The following SLC27A5 variants were observed in gnomAD, a reference collection of about 807,000 sequenced individuals.
SLC27A5 encodes the protein long-chain fatty acid transport protein 5.
A neutral mutation model predicts 63.1 loss-of-function variants in SLC27A5; 47 were observed. The ratio of observed to expected loss-of-function variants is 0.74; its 90% CI spans 0.59 to 0.95. The LOEUF is 0.95. Ranked by LOEUF, SLC27A5 falls within the 40% of genes least tolerant of loss-of-function variation. The pLI is 0.00. For synonymous variants in SLC27A5, 391 were observed against 403.8 expected (o/e 0.97, Z 0.38); for missense variants, 940 against 921.0 (o/e 1.02, Z -0.27).
At chr19:58,499,325 C>G in intron 7 of SLC27A5, 105 bp from the exon 8 acceptor site, 1 of 1,365,310 alleles carries the variant, frequency 7.3e-7, no homozygotes, top group South Asian at 1.3e-5. Flanking sequence ...CCAGTCAGCC[C>G]CGCCCCCTCG....
intron 3 of SLC27A5, chr19:58,507,660 G>A (rs1302503300): frequency 6.6e-6 from 1 of 152,174 alleles, no homozygotes; most frequent in African/African-American, 2.4e-5. Flanking sequence ...TTCTTGCAGA[G>A]AGCCTATAAG....
chr19:58,502,785 TAGTG>T (rs2053293800), intron 3 of SLC27A5, among the ~76,000 whole-genome samples: 1 of 134,800 alleles, frequency 7.4e-6, no homozygotes, highest in Non-Finnish European at 1.6e-5. Context: ...ACAGTTAGAG[TAGTG>T]AGTGAGTAGA....
At chr19:58,501,928 C>T (rs2053278260) in intron 3 of SLC27A5, among the ~76,000 whole-genome samples, 1 of 152,232 alleles carries the variant, frequency 6.6e-6, no homozygotes, top group Admixed American at 6.5e-5. Flanking sequence ...ATCCACCCGC[C>T]TCGGCCTCCA....
intron 3 of SLC27A5, among the ~76,000 whole-genome samples, chr19:58,505,122 A>T (rs578128184): frequency 7.7e-4 from 106 of 137,766 alleles, no homozygotes; most frequent in African/African-American, 2.7e-3. Context: ...TTTTTTTGAG[A>T]CAGAGTCTCG....
At position 58,511,735 on chromosome 19, in the gene SLC27A5, G is replaced by C; in HGVS notation, c.221C>G (p.Thr74Ser). The stretch of plus-strand genomic sequence containing the variant: ...TGGGGGCAGCCGTGCTGGCAGGAGG[G>C]TTAGTGCCAGGGCCGCAGCTGCCAG... ...LSLAAAALAL[T>S]LLPARLPPGL... The change falls in exon 1 of 10, where the codon ACC (threonine) becomes AGC (serine). Residue 74 changes from threonine to serine, a missense_variant. Transcript: ENST00000263093. 3 of 1,553,716 alleles carry C rather than the reference G, an allele frequency of 1.9e-6. No homozygotes were observed. The South Asian group carries it at 3.5e-5, about 18-fold the overall frequency.
rs367808552 is a variant in SLC27A5, at chr19:58,500,396, T to G, written c.1411A>C (p.Met471Leu). 2 of 1,613,762 alleles carry G rather than the reference T, an allele frequency of 1.2e-6. No homozygotes were observed. The highest frequency in any genetic ancestry group is 2.2e-5 in the South Asian group (2 of 91,080). ...LSPFELVQFD[M>L]EAAEPVRDNQ... is the part of the protein sequence containing the mutation. ...TCCCTCACAGGCTCCGCCGCCTCCA[T>G]GTCGAACTGCACCAGCTCAAAGGGG... The change falls in exon 6 of 10, where the codon ATG becomes CTG. Residue 471 changes from methionine (M) to leucine (L), a missense_variant. Transcript: ENST00000263093.
rs1323378494 is a variant in SLC27A5 at position 58,510,746 on chromosome 19, G to A, written c.873C>T (p.Leu291=). 1 of 1,611,276 alleles carries A rather than the reference G, an allele frequency of 6.2e-7. No individual in the cohort carries two copies. The highest frequency in any genetic ancestry group is 1.1e-5 in the South Asian group (1 of 90,700). The change falls in exon 2 of 10, where the codon CTC becomes CTT. Residue 291 remains leucine, a synonymous_variant. Coordinates refer to ENST00000263093, the MANE Select transcript of SLC27A5 (RefSeq NM_012254.3). ...RAGITWRSPA[L]FIYTSGTTGL... is the part of the protein sequence containing the mutation. ...CAGTGGTCCCCGAGGTATAGATGAA[G>A]AGGGCAGGGCTTCTCCATGTGATCC...
rs1167845939 is a variant in SLC27A5 at position 58,498,372 on chromosome 19, G to GGGCCCACTGTCATTTCC, written c.*126_*142dup. ...CTGAGTTTATTCTGCCACTGCTACA[G>GGGCCCACTGTCATTTCC]GGCCCACTGTCATTTCCAGCCCACT... On this transcript the variant is annotated 3_prime_UTR_variant, in exon 10 of 10. Transcript: ENST00000263093. 3 of 776,538 alleles carry GGGCCCACTGTCATTTCC rather than the reference G, an allele frequency of 3.9e-6. No homozygotes were observed. The East Asian group carries it at 8.1e-5, about 21-fold the overall frequency. 48.1% of individuals were successfully genotyped at this position (776,538 alleles called of 1,614,324 possible). A position where few individuals can be genotyped will look rare whatever the true frequency, so the allele number is the denominator to read the frequency against.
chr19:58,500,539 G>A lies in SLC27A5; in HGVS notation c.1350C>T (p.Ala450=). The change falls in exon 5 of 10, where the codon GCC becomes GCT. Residue 450 remains alanine (A), a synonymous_variant. Coordinates refer to ENST00000263093, the MANE Select transcript of SLC27A5 (RefSeq NM_012254.3). ...GLVNYVGRCG[A]LGKMSCLLRM... ...GGAGGAGGCAGCTCATCTTGCCCAG[G>A]GCCCCGCAGCGCCCCACATAGTTGA... The A allele has an allele frequency of 6.2e-7, 1 of 1,613,990 alleles. No individual in the cohort carries two copies. Among genetic ancestry groups the A allele is most frequent in the Non-Finnish European group, 8.5e-7 (1 of 1,180,004 alleles).
At chr19:58,503,071 A>G (rs185224849) in intron 3 of SLC27A5, among the ~76,000 whole-genome samples, 4,273 of 151,842 alleles carry the variant, frequency 0.028, 72 homozygotes, top group Middle Eastern at 0.092. Context: ...TGGGCGTGGT[A>G]GCGGGCGCCT....
chr19:58,499,663 A>G lies in SLC27A5; in HGVS notation c.1496T>C (p.Val499Ala). The G allele has an allele frequency of 6.2e-7, 1 of 1,611,796 alleles. No homozygotes were observed. Among genetic ancestry groups the G allele is most frequent in the Non-Finnish European group, 8.5e-7 (1 of 1,179,898 alleles). The change falls in exon 7 of 10, where the codon GTG becomes GCG. Residue 499 changes from valine to alanine, a missense_variant. Transcript: ENST00000263093. ...GCCCACGAAGGGTTGCTGGCTTACC[A>G]CCTTGGTCAGCAGCAGCCCCGGCTC... is the stretch of plus-strand genomic sequence containing the variant. ...LGEPGLLLTKVVSQQPFVGYR... is the reference protein window; with the variant it reads ...LGEPGLLLTKAVSQQPFVGYR...
rs750908091 is a variant in SLC27A5, at chr19:58,511,600, G to C, written c.356C>G (p.Ala119Gly). ...SRQPPDTFVDAFERRARAQPG... is the reference protein window; with the variant it reads ...SRQPPDTFVDGFERRARAQPG... ...CTGCGCTCGTGCTCGCCGCTCGAAG[G>C]CATCTACAAAGGTGTCAGGCGGCTG... Residue 119 changes from alanine (A) to glycine (G), a missense_variant, in exon 1 of 10, where the codon GCC becomes GGC. By Grantham distance (60) the Ala-to-Gly change is moderately conservative. Transcript: ENST00000263093. 14 of 1,588,936 alleles carry C rather than the reference G, an allele frequency of 8.8e-6. No individual in the cohort carries two copies. Among genetic ancestry groups the C allele is most frequent in the South Asian group, 1.1e-5 (1 of 88,156 alleles).
intron 1 of SLC27A5, 95 bp downstream of exon 1, chr19:58,511,173 G>A: frequency 3.1e-6 from 4 of 1,308,178 alleles, no homozygotes; most frequent in South Asian, 1.5e-5. Flanking sequence ...GTAGGCAGGT[G>A]GGGACCAAGG....
rs1184338794 is a variant in SLC27A5 at position 58,498,684 on chromosome 19, A to G, written c.1904T>C (p.Met635Thr). The G allele has an allele frequency of 1.9e-6, 3 of 1,613,920 alleles. No individual in the cohort carries two copies. In the South Asian group the frequency reaches 3.3e-5, roughly 18 times the overall value. The change falls in exon 10 of 10, where the codon ATG (methionine) becomes ACG (threonine). Residue 635 changes from methionine (M) to threonine (T), a missense_variant. Coordinates refer to ENST00000263093, the MANE Select transcript of SLC27A5 (RefSeq NM_012254.3). ...TPHFIRIQDA[M>T]EVTSTFKLMK... ...CAGTTTGAACGTGCTGGTGACCTCCATGGCGTCCTGCAGGGCAGTGACCAT... is the reference window on the plus strand; with the variant it reads ...CAGTTTGAACGTGCTGGTGACCTCCGTGGCGTCCTGCAGGGCAGTGACCAT...
At chr19:58,504,445 T>C (rs2053317909) in intron 3 of SLC27A5, among the ~76,000 whole-genome samples, 2 of 149,660 alleles carry the variant, frequency 1.3e-5, no homozygotes, top group Non-Finnish European at 3.0e-5. Flanking sequence ...GGTCAGGAGT[T>C]TGAGACCAGC....
chr19:58,509,593 C>A (rs1171241268), intron 3 of SLC27A5: 3 of 382,224 alleles, frequency 7.8e-6, no homozygotes, highest in Non-Finnish European at 1.4e-5. Flanking sequence ...GAGCACCACA[C>A]CTTCCTTGGA....
chr19:58,511,002 C>T (rs1345687873), intron 1 of SLC27A5, 72 bp from the exon 2 acceptor site: 11 of 1,280,940 alleles, frequency 8.6e-6, no homozygotes, highest in Non-Finnish European at 1.1e-5. Context: ...ATCTGAGACC[C>T]ACAGATGCAG....
At chr19:58,505,566 G>A (rs897583839) in intron 3 of SLC27A5, among the ~76,000 whole-genome samples, 7 of 151,478 alleles carry the variant, frequency 4.6e-5, no homozygotes, top group Non-Finnish European at 7.4e-5. Flanking sequence ...CAATTTGGCC[G>A]GGCGCAGTGG....
Position 58,509,975 on chromosome 19 carries a change from T to A in SLC27A5, c.929A>T (p.Glu310Val). The A allele has an allele frequency of 6.2e-7, 1 of 1,613,892 alleles. No homozygotes were observed. Among genetic ancestry groups the A allele is most frequent in the South Asian group, 1.1e-5 (1 of 91,070 alleles). The change falls in exon 3 of 10, where the codon GAG (glutamate) becomes GTG (valine). Residue 310 changes from glutamate (E) to valine (V), a missense_variant. By Grantham distance (121) the Glu-to-Val change is moderately radical (BLOSUM62 -2). Coordinates refer to ENST00000263093, the MANE Select transcript of SLC27A5 (RefSeq NM_012254.3). ...GLPKPAILTH[E>V]RVLQMSKMLS... ...CATCTTGCTCATCTGCAGTACCCGC[T>A]CATGCGTGAGGATGGCTGGCTTCGG...
Sources: allele counts gnomAD v4.1 joint callset (sites outside exome capture counted in the v4.1 genomes callset), GRCh38; gene constraint gnomAD v4.1.1; transcripts MANE v1.5; gene names NCBI Gene and HGNC (gene_info 2026-07-23, HGNC 2026-07-21).